Variants in GNA12 observed in about 807,000 individuals in gnomAD.
GNA12 encodes the protein G protein subunit alpha 12.
In GNA12, 9 loss-of-function variants were observed where a neutral mutation model predicts 26.0. That is an observed-to-expected ratio of 0.35 (90% CI 0.21 to 0.60). The LOEUF is 0.60. GNA12 is among the 20% of genes least tolerant of loss of function. GNA12 has a pLI of 0.78. For missense variants in GNA12, 405 were observed against 525.8 expected (o/e 0.77, Z 2.25); for synonymous variants, 264 against 219.6 (o/e 1.20, Z -1.79).
At chr7:2,839,828 G>A (rs576239721) in intron 1 of GNA12, among the ~76,000 whole-genome samples, 31 of 152,238 alleles carry the variant, frequency 2.0e-4, no homozygotes, top group East Asian at 9.6e-4. Flanking sequence ...GTGAAACCCC[G>A]TCTCTACTAA....
At chr7:2,782,628 T>C (rs1247570949) in intron 2 of GNA12, among the ~76,000 whole-genome samples, 2 of 152,210 alleles carry the variant, frequency 1.3e-5, no homozygotes, top group African/African-American at 4.8e-5. Context: ...TTTGGTTTTC[T>C]GCAGTTTTAT....
intron 2 of GNA12, chr7:2,775,223 G>A (rs1307571574): frequency 6.6e-6 from 1 of 152,192 alleles, no homozygotes; most frequent in African/African-American, 2.4e-5. Flanking sequence ...AGGGTGTTGA[G>A]GTTTGATTTG....
At chr7:2,780,630 T>C (rs897445058) in intron 2 of GNA12, among the ~76,000 whole-genome samples, 5 of 152,190 alleles carry the variant, frequency 3.3e-5, no homozygotes, top group African/African-American at 7.2e-5. Context: ...TATATGTGCT[T>C]ATGTATGAAT....
At chr7:2,741,034 G>T (rs1790473189) in intron 2 of GNA12, among the ~76,000 whole-genome samples, 1 of 150,950 alleles carries the variant, frequency 6.6e-6, no homozygotes, top group African/African-American at 2.4e-5. Flanking sequence ...GACAGAGCGA[G>T]ACTCCGTCTC....
chr7:2,836,475 T>G (rs1363680782), intron 1 of GNA12, among the ~76,000 whole-genome samples: 1 of 152,180 alleles, frequency 6.6e-6, no homozygotes, highest in Non-Finnish European at 1.5e-5. Context: ...TGCCTCCTAC[T>G]TACCCAGGAT....
At position 2,829,300 on chromosome 7, in the gene GNA12, A is replaced by G. The variant is rs535980525; in HGVS notation, c.309+14553T>C. On this transcript the variant is annotated intron_variant, in intron 1 of 3. Transcript: ENST00000275364. The stretch of plus-strand genomic sequence containing the variant: ...ACCCATATTTCCCTCTGTCGGAGAG[A>G]TAAGAAAAACTAAGGCTTCTTTAAA... Among the ~76,000 whole-genome samples the G allele has an allele frequency of 2.0e-4, 31 of 152,294 alleles. No homozygotes were observed. The East Asian group carries it at 4.4e-3, about 22-fold the overall frequency.
At chr7:2,757,469 G>A (rs963255991) in intron 2 of GNA12, among the ~76,000 whole-genome samples, 6 of 152,164 alleles carry the variant, frequency 3.9e-5, no homozygotes, top group African/African-American at 1.4e-4. Context: ...AAGAAAATGG[G>A]ACATCAGTCA....
At chr7:2,843,787 G>A (rs1182305849) in intron 1 of GNA12, 66 bp downstream of exon 1, 1 of 863,026 alleles carries the variant, frequency 1.2e-6, no homozygotes, top group East Asian at 3.4e-5. Context: ...CCACGGAGGG[G>A]CCCGGGGCGG....
chr7:2,834,888 C>A (rs1228375286), intron 1 of GNA12, among the ~76,000 whole-genome samples: 1 of 152,112 alleles, frequency 6.6e-6, no homozygotes, highest in East Asian at 1.9e-4. Context: ...AGGATGTTTG[C>A]GTAAGAACCT....
chr7:2,738,183 G>A (rs962045869), intron 2 of GNA12, among the ~76,000 whole-genome samples: 1 of 152,158 alleles, frequency 6.6e-6, no homozygotes, highest in Non-Finnish European at 1.5e-5. Flanking sequence ...ACGTTGGGAG[G>A]CCGAGGCAAT....
Position 2,735,815 on chromosome 7 carries a change from A to G in GNA12, c.526-2314T>C, listed in dbSNP as rs572425937. Among the ~76,000 whole-genome samples the G allele has an allele frequency of 2.0e-5, 3 of 152,182 alleles. No individual in the cohort carries two copies. The South Asian group carries it at 6.2e-4, about 32-fold the overall frequency. On this transcript the variant is annotated intron_variant, in intron 2 of 3. Transcript: ENST00000275364. ...GCGGCCTCATCTCGAGAAACAGCCC[A>G]GGGGGTCCGTGGGAAAGCTGCCACT...
Position 2,747,253 on chromosome 7 carries a change from T to C in GNA12, c.526-13752A>G, listed in dbSNP as rs188767744. ...TTTAGACCAATATCCTTGATGAACA[T>C]TGATGCAAAAATCCTCAATAAAATA... On this transcript the variant is annotated intron_variant, in intron 2 of 3. Transcript: ENST00000275364. 9.2e-3 allele frequency among the ~76,000 whole-genome samples: 1,408 copies of C among 152,284 alleles called. 13 individuals carry two copies. Among genetic ancestry groups the C allele is most frequent in the African/African-American group, 0.032 (1,330 of 41,546 alleles).
chr7:2,751,131 T>TA (rs1791014598), intron 2 of GNA12, among the ~76,000 whole-genome samples: 2 of 152,128 alleles, frequency 1.3e-5, no homozygotes, highest in South Asian at 4.1e-4. Flanking sequence ...CACACACTTG[T>TA]AACCCCAGCA....
At chr7:2,741,833 A>G (rs1177872938) in intron 2 of GNA12, among the ~76,000 whole-genome samples, 1 of 150,728 alleles carries the variant, frequency 6.6e-6, no homozygotes, top group Non-Finnish European at 1.5e-5. Flanking sequence ...AGAACGCCGC[A>G]AGGATAAGAG....
chr7:2,782,918 C>T (rs1404882730), intron 2 of GNA12, among the ~76,000 whole-genome samples: 4 of 152,158 alleles, frequency 2.6e-5, no homozygotes, highest in Admixed American at 6.5e-5. Flanking sequence ...CCTAACATAG[C>T]CATTGAGTTT....
rs534277952 is a variant in GNA12 at position 2,729,990 on chromosome 7, T to G, written c.*1191A>C. On this transcript the variant is annotated 3_prime_UTR_variant, in exon 4 of 4. Coordinates refer to ENST00000275364, the MANE Select transcript of GNA12 (RefSeq NM_007353.3). ...AGTGTTTACTCTTCTGCAAGCACAG[T>G]CATAGAAGCGAGGGGCCTCGATGAG... is the stretch of plus-strand genomic sequence containing the variant. 1 of 152,288 alleles carries G rather than the reference T, an allele frequency of 6.6e-6. No individual in the cohort carries two copies. The highest frequency in any genetic ancestry group is 1.5e-5 in the Non-Finnish European group (1 of 68,010). The allele number at this position is 152,288 out of a possible 1,614,324, so 9.4% of individuals were successfully genotyped here. A position where few individuals can be genotyped will look rare whatever the true frequency, so the allele number is the denominator to read the frequency against.
rs942596078 is a variant in GNA12 at position 2,728,316 on chromosome 7, C to A, written c.*2865G>T. The stretch of plus-strand genomic sequence containing the variant: ...GTGCCCAGAACCCCTAAATTAGTTA[C>A]AACTAATAATCTTCTTTCAAGAGTT... On this transcript the variant is annotated 3_prime_UTR_variant, in exon 4 of 4. Transcript: ENST00000275364. The A allele has an allele frequency of 6.6e-6, 1 of 152,240 alleles. No individual in the cohort carries two copies. Among genetic ancestry groups the A allele is most frequent in the Non-Finnish European group, 1.5e-5 (1 of 68,004 alleles). The allele number at this position is 152,240 out of a possible 1,614,324, so 9.4% of individuals were successfully genotyped here. A position where few individuals can be genotyped will look rare whatever the true frequency, so the allele number is the denominator to read the frequency against.
At chr7:2,745,623 A>T (rs1225059325) in intron 2 of GNA12, among the ~76,000 whole-genome samples, 1 of 152,264 alleles carries the variant, frequency 6.6e-6, no homozygotes, top group African/African-American at 2.4e-5. Context: ...AACGAGCAAA[A>T]TAGCCAGCTG....
At chr7:2,841,645 G>A (rs917034003) in intron 1 of GNA12, among the ~76,000 whole-genome samples, 1 of 152,086 alleles carries the variant, frequency 6.6e-6, no homozygotes, top group Admixed American at 6.5e-5. Context: ...CAATCCTAAA[G>A]GAGCTCTATT....
Sources: allele counts gnomAD v4.1 joint callset (sites outside exome capture counted in the v4.1 genomes callset), GRCh38; gene constraint gnomAD v4.1.1; transcripts MANE v1.5; gene names NCBI Gene and HGNC (gene_info 2026-07-23, HGNC 2026-07-21).